FAM83B: variants seen among roughly 807,000 people sequenced by gnomAD.
The protein encoded by FAM83B is protein FAM83B.
FAM83B carries 26 observed loss-of-function variants against 38.8 expected under a neutral mutation model. The ratio of observed to expected loss-of-function variants is 0.67; its 90% CI spans 0.49 to 0.93. FAM83B has a LOEUF of 0.93. Among genes scored for constraint, FAM83B ranks in the 40% least tolerant of loss-of-function variants. The pLI, the probability that FAM83B is intolerant of heterozygous loss-of-function variation, is 0.00. For missense variants in FAM83B, 1,237 were observed against 1,197.3 expected, an observed-to-expected ratio of 1.03 and a Z score of -0.49; for synonymous variants, 419 against 423.1, an observed-to-expected ratio of 0.99 and a Z score of 0.12.
At chr6:54,912,627 G>C (rs1581917754) in intron 2 of FAM83B, among the ~76,000 whole-genome samples, 1 of 151,694 alleles carries the variant, frequency 6.6e-6, no homozygotes, top group Admixed American at 6.6e-5. Flanking sequence ...TTTATCGTTA[G>C]TTGTTAAATA....
At chr6:54,935,289 G>A (rs911402539) in intron 4 of FAM83B, among the ~76,000 whole-genome samples, 1 of 152,084 alleles carries the variant, frequency 6.6e-6, no homozygotes, top group Admixed American at 6.6e-5. Flanking sequence ...ATTTTAGTGG[G>A]CACTGGAGAC....
chr6:54,941,476 A>T lies in FAM83B; in HGVS notation c.2505A>T (p.Ser835=), dbSNP rs138695752. The T allele has an allele frequency of 2.2e-4, 355 of 1,613,866 alleles. No homozygotes were observed. In the African/African-American group the frequency reaches 4.2e-3, roughly 19 times the overall value. The change falls in exon 5 of 5, where the codon TCA becomes TCT. Residue 835 remains serine, a synonymous_variant. Transcript: ENST00000306858. ...CTCCTAGAAGAAAGCATTCTTCCTC[A>T]TCGAATTCTCAAGGCAGCATCCACA... ...DSSPRRKHSS[S]SNSQGSIHKS... is the part of the protein sequence containing the mutation.
chr6:54,848,531 T>A (rs1771194991), intron 1 of FAM83B, among the ~76,000 whole-genome samples: 1 of 152,238 alleles, frequency 6.6e-6, no homozygotes, highest in Non-Finnish European at 1.5e-5. Flanking sequence ...CTTGAGTTTA[T>A]GACGCTAACT....
intron 2 of FAM83B, among the ~76,000 whole-genome samples, chr6:54,903,228 A>G (rs575342430): frequency 6.6e-6 from 1 of 152,308 alleles, no homozygotes; most frequent in South Asian, 2.1e-4. Context: ...AGTTTCTTAC[A>G]AATGTAAGTG....
Position 54,927,642 on chromosome 6 carries a change from T to A in FAM83B, c.734+10T>A. The A allele has an allele frequency of 6.4e-7, 1 of 1,567,550 alleles. No homozygotes were observed. ...TGTACGGTTCTTACAGGTAAGATCA[T>A]TGTGTTTAACTTCAGTGTTATCAAT... On this transcript the variant is annotated intron_variant, in intron 4 of 4. Transcript: ENST00000306858.
At chr6:54,868,709 G>A (rs931812968) in intron 1 of FAM83B, among the ~76,000 whole-genome samples, 2 of 152,084 alleles carry the variant, frequency 1.3e-5, no homozygotes, top group African/African-American at 4.8e-5. Context: ...GTGGAGCCTA[G>A]GATCCAGGTA....
At chr6:54,928,436 A>C (rs765058594) in intron 4 of FAM83B, among the ~76,000 whole-genome samples, 5 of 152,224 alleles carry the variant, frequency 3.3e-5, no homozygotes, top group Non-Finnish European at 5.9e-5. Context: ...AAAATAAATC[A>C]TAGAACTGGC....
chr6:54,936,709 G>T (rs1773531655), intron 4 of FAM83B, among the ~76,000 whole-genome samples: 1 of 150,552 alleles, frequency 6.6e-6, no homozygotes, highest in East Asian at 2.0e-4. Flanking sequence ...CACACAAATT[G>T]TCTTCCCACA....
rs377085448 is a variant in FAM83B at position 54,932,007 on chromosome 6, C to CTTTTT, written c.734+4391_734+4395dup. Among the ~76,000 whole-genome samples, 230 of 89,174 alleles carry CTTTTT rather than the reference C, an allele frequency of 2.6e-3. 4 individuals carry two copies. Among genetic ancestry groups the CTTTTT allele is most frequent in the African/African-American group, 7.0e-3 (134 of 19,072 alleles). The allele number at this position is 89,174 out of a possible 152,430, so 58.5% of individuals were successfully genotyped here. ...CAGTTATCACTGGAATTACATAAAA[C>CTTTTT]TTTTTTTTTTTTTTTTTTTTGAGAC... On this transcript the variant is annotated intron_variant, in intron 4 of 4. Transcript: ENST00000306858.
chr6:54,851,414 T>C (rs930774713), intron 1 of FAM83B, among the ~76,000 whole-genome samples: 1 of 152,144 alleles, frequency 6.6e-6, no homozygotes, highest in Non-Finnish European at 1.5e-5. Flanking sequence ...TCTATTTATT[T>C]GTCCATTTCA....
intron 1 of FAM83B, among the ~76,000 whole-genome samples, chr6:54,859,599 C>G (rs1771528415): frequency 6.6e-6 from 1 of 152,190 alleles, no homozygotes; most frequent in South Asian, 2.1e-4. Context: ...GAAGGGATAG[C>G]ATGTGTTAGG....
chr6:54,875,970 A>G (rs1771984386), intron 2 of FAM83B, among the ~76,000 whole-genome samples: 1 of 152,204 alleles, frequency 6.6e-6, no homozygotes, highest in South Asian at 2.1e-4. Context: ...TGAAAAAATG[A>G]AAATGAAATT....
At chr6:54,859,335 C>T (rs1283401576) in intron 1 of FAM83B, among the ~76,000 whole-genome samples, 1 of 152,160 alleles carries the variant, frequency 6.6e-6, no homozygotes, top group African/African-American at 2.4e-5. Context: ...GCTGGGATTA[C>T]CAGCATGAGC....
intron 2 of FAM83B, 58 bp downstream of exon 2, chr6:54,870,748 G>C (rs1771834045): frequency 1.4e-6 from 2 of 1,425,310 alleles, no homozygotes; most frequent in Non-Finnish European, 1.9e-6. Flanking sequence ...AGTAGAGAGA[G>C]TAATAACACA....
At chr6:54,863,441 A>G (rs1771632096) in intron 1 of FAM83B, among the ~76,000 whole-genome samples, 1 of 152,046 alleles carries the variant, frequency 6.6e-6, no homozygotes, top group Admixed American at 6.5e-5. Context: ...CCTGGTGAGC[A>G]CCATGAGGCT....
intron 2 of FAM83B, among the ~76,000 whole-genome samples, chr6:54,880,958 T>C (rs1385607989): frequency 6.6e-6 from 1 of 152,210 alleles, no homozygotes; most frequent in Non-Finnish European, 1.5e-5. Flanking sequence ...ATCCCTGAAA[T>C]AGAAGATTCA....
intron 1 of FAM83B, among the ~76,000 whole-genome samples, chr6:54,853,120 G>C (rs1007098515): frequency 1.3e-5 from 2 of 152,144 alleles, no homozygotes; most frequent in African/African-American, 2.4e-5. Flanking sequence ...CTTCAATTCT[G>C]TGAAGGCTGA....
In FAM83B at chr6:54,870,589, C is replaced by A; in HGVS notation, c.343C>A (p.Leu115Ile). 1 of 1,613,922 alleles carries A rather than the reference C, an allele frequency of 6.2e-7. No homozygotes were observed. The highest frequency in any genetic ancestry group is 1.3e-5 in the African/African-American group (1 of 74,976). The part of the protein sequence containing the change: ...DLGWPYVMPG[L>I]LGGTHIDLLF... Reference sequence around the variant, plus strand: ...AGGCTGGCCATATGTGATGCCCGGACTCTTAGGGGGCACCCATATAGATCT... The same window carrying A: ...AGGCTGGCCATATGTGATGCCCGGAATCTTAGGGGGCACCCATATAGATCT... Residue 115 changes from leucine (L) to isoleucine (I), a missense_variant, in exon 2 of 5, where the codon CTC becomes ATC. By Grantham distance (5) the Leu-to-Ile change is conservative. Transcript: ENST00000306858.
At chr6:54,882,944 T>C (rs988631339) in intron 2 of FAM83B, among the ~76,000 whole-genome samples, 5 of 152,078 alleles carry the variant, frequency 3.3e-5, no homozygotes, top group Non-Finnish European at 7.4e-5. Context: ...ATTTTTTTAT[T>C]ATTTATTTAT....
Sources: allele counts gnomAD v4.1 joint callset (sites outside exome capture counted in the v4.1 genomes callset), GRCh38; gene constraint gnomAD v4.1.1; transcripts MANE v1.5; gene names NCBI Gene and HGNC (gene_info 2026-07-23, HGNC 2026-07-21).